SBF2: variants seen among roughly 807,000 people sequenced by gnomAD.
The protein encoded by SBF2 is SET binding factor 2, also known as myotubularin-related protein 13.
A neutral mutation model predicts 225.2 loss-of-function variants in SBF2; 112 were observed. That is an observed-to-expected ratio of 0.50 (90% confidence interval 0.43 to 0.58). The LOEUF (loss-of-function observed/expected upper bound fraction) is 0.58, where lower values mean the gene tolerates loss of function less well. SBF2 is among the 20% of genes least tolerant of loss of function. The pLI is 0.00. For synonymous variants in SBF2, 763 were observed against 773.3 expected (o/e 0.99, Z 0.22); for missense variants, 1,996 against 2,206.2 (o/e 0.90, Z 1.91).
rs150255674 is a variant in SBF2, at chr11:10,183,530, A to C, written c.141+10372T>G. Among the ~76,000 whole-genome samples the C allele has an allele frequency of 2.4e-4, 36 of 152,072 alleles. No homozygotes were observed. The East Asian group carries it at 6.7e-3, about 28-fold the overall frequency. On this transcript the variant is annotated intron_variant, in intron 2 of 39. Coordinates refer to ENST00000256190, the MANE Select transcript of SBF2 (RefSeq NM_030962.4). Reference sequence around the variant, plus strand: ...TCTCAAAATCCTAAGTTTTCTTTTAAAAACTTTATAGTGTTAGCTTTTACA... The same window carrying C: ...TCTCAAAATCCTAAGTTTTCTTTTACAAACTTTATAGTGTTAGCTTTTACA...
intron 32 of SBF2, among the ~76,000 whole-genome samples, chr11:9,805,812 T>C (rs181222186): frequency 0.012 from 1,835 of 152,054 alleles, 18 homozygotes; most frequent in Non-Finnish European, 0.015. Flanking sequence ...TTAGTAGAGA[T>C]GGGGTTTCAC....
intron 7 of SBF2, among the ~76,000 whole-genome samples, chr11:10,002,213 T>G (rs938951949): frequency 3.3e-5 from 5 of 152,180 alleles, no homozygotes; most frequent in African/African-American, 9.7e-5. Flanking sequence ...CTAAGAGAGA[T>G]AAGAGCTTTT....
chr11:9,796,132 A>G (rs1055594445), intron 32 of SBF2, among the ~76,000 whole-genome samples, 175 bp from the exon 33 acceptor site: 4 of 151,984 alleles, frequency 2.6e-5, no homozygotes, highest in African/African-American at 9.7e-5. Context: ...CCGAGCACCT[A>G]CTGTGTGCCA....
At chr11:10,121,145 ATT>A (rs1352043462) in intron 2 of SBF2, among the ~76,000 whole-genome samples, 1 of 152,168 alleles carries the variant, frequency 6.6e-6, no homozygotes, top group Non-Finnish European at 1.5e-5. Context: ...TTTAATTTGC[ATT>A]TCTCTAATGA....
chr11:9,959,779 A>G (rs891235567), intron 16 of SBF2: 4 of 633,438 alleles, frequency 6.3e-6, no homozygotes, highest in African/African-American at 5.5e-5. Context: ...GCTTGCTGAG[A>G]TGGTCATGGT....
chr11:9,915,509 A>G (rs1590428628), intron 16 of SBF2: 1 of 152,156 alleles, frequency 6.6e-6, no homozygotes, highest in East Asian at 1.9e-4. Context: ...TAAAACAAGG[A>G]AAAGATGGAC....
At chr11:10,088,963 T>C (rs1466222286) in intron 2 of SBF2, among the ~76,000 whole-genome samples, 1 of 152,208 alleles carries the variant, frequency 6.6e-6, no homozygotes, top group East Asian at 1.9e-4. Context: ...ATAATTATCA[T>C]CGGCCCCAAG....
chr11:10,143,961 C>T (rs1462703417), intron 2 of SBF2, among the ~76,000 whole-genome samples: 1 of 152,168 alleles, frequency 6.6e-6, no homozygotes, highest in African/African-American at 2.4e-5. Context: ...CCTCGTGATC[C>T]GCCCGTCTCG....
intron 1 of SBF2, among the ~76,000 whole-genome samples, chr11:10,204,102 T>C (rs914965059): frequency 6.6e-6 from 1 of 151,880 alleles, no homozygotes; most frequent in Non-Finnish European, 1.5e-5. Flanking sequence ...TACTTAGATA[T>C]AAAGATAAAT....
intron 28 of SBF2, chr11:9,819,490 A>G (rs1400785256): frequency 6.6e-6 from 1 of 152,226 alleles, no homozygotes; most frequent in East Asian, 1.9e-4. Flanking sequence ...AAAAAGATGT[A>G]TTGAGTACCT....
At chr11:9,825,656 G>A (rs943181550) in intron 28 of SBF2, among the ~76,000 whole-genome samples, 2 of 152,172 alleles carry the variant, frequency 1.3e-5, no homozygotes, top group Admixed American at 1.3e-4. Context: ...AGTGAATTTT[G>A]TAAAGTAGAA....
At chr11:10,059,050 AAAACACACTT>A (rs1422754744) in intron 2 of SBF2, among the ~76,000 whole-genome samples, 1 of 152,192 alleles carries the variant, frequency 6.6e-6, no homozygotes, top group Non-Finnish European at 1.5e-5. Context: ...AGCTAATACA[AAAACACACTT>A]AAACACACAG....
intron 2 of SBF2, among the ~76,000 whole-genome samples, chr11:10,084,714 A>G (rs1250097373): frequency 6.6e-6 from 1 of 152,222 alleles, no homozygotes; most frequent in African/African-American, 2.4e-5. Context: ...TGGATAAAGA[A>G]AATGTGGTAG....
At chr11:10,077,520 AAAAC>A (rs1364413365) in intron 2 of SBF2, among the ~76,000 whole-genome samples, 3 of 152,244 alleles carry the variant, frequency 2.0e-5, no homozygotes, top group Non-Finnish European at 2.9e-5. Flanking sequence ...AAGCCTGACA[AAAAC>A]AAGCAATGGG....
chr11:10,224,557 T>G (rs1380318471), intron 1 of SBF2, among the ~76,000 whole-genome samples: 1 of 152,166 alleles, frequency 6.6e-6, no homozygotes. Context: ...ACCCACTATA[T>G]TCCAGCCACA....
intron 16 of SBF2, among the ~76,000 whole-genome samples, chr11:9,908,175 C>T (rs1022758391): frequency 1.3e-5 from 2 of 151,646 alleles, no homozygotes; most frequent in African/African-American, 2.4e-5. Context: ...ATAATTGTTA[C>T]AATTAAAATG....
chr11:9,882,572 G>A (rs1411407378), intron 17 of SBF2, among the ~76,000 whole-genome samples: 1 of 152,072 alleles, frequency 6.6e-6, no homozygotes, highest in Non-Finnish European at 1.5e-5. Flanking sequence ...ACTTTGGGAG[G>A]CCAAGGCGGG....
In SBF2 at chr11:9,808,132, G is replaced by A. The variant is rs1853956580; in HGVS notation, c.4311C>T (p.Gly1437=). ...LSDPFYRTLE[G]FQMLVEKEWL... ...ACTCTTTTTCAACCAACATCTGGAA[G>A]CCTTCAAGTGTCCTATAAAAGGGAT... is the stretch of plus-strand genomic sequence containing the variant. Residue 1437 remains glycine, a synonymous_variant, in exon 32 of 40, where the codon GGC becomes GGT. Coordinates refer to ENST00000256190, the MANE Select transcript of SBF2 (RefSeq NM_030962.4). 2 of 1,614,010 alleles carry A rather than the reference G, an allele frequency of 1.2e-6. No individual in the cohort carries two copies. Among genetic ancestry groups the A allele is most frequent in the Non-Finnish European group, 1.7e-6 (2 of 1,180,012 alleles).
chr11:10,202,750 T>C (rs928938627), intron 1 of SBF2, among the ~76,000 whole-genome samples: 1 of 152,184 alleles, frequency 6.6e-6, no homozygotes, highest in Admixed American at 6.5e-5. Flanking sequence ...ATTGCGCCAC[T>C]GCACTCCAGC....
Sources: allele counts gnomAD v4.1 joint callset (sites outside exome capture counted in the v4.1 genomes callset), GRCh38; gene constraint gnomAD v4.1.1; transcripts MANE v1.5; gene names NCBI Gene and HGNC (gene_info 2026-07-23, HGNC 2026-07-21).